SRGAP1: variants seen among roughly 807,000 people sequenced by gnomAD.
The protein encoded by SRGAP1 is SLIT-ROBO Rho GTPase activating protein 1.
SRGAP1 carries 43 observed loss-of-function variants against 121.9 expected under a neutral mutation model. That is an observed-to-expected ratio of 0.35 (90% CI 0.28 to 0.46). The LOEUF (loss-of-function observed/expected upper bound fraction) is 0.46, where lower values mean the gene tolerates loss of function less well. SRGAP1 is among the 20% of genes least tolerant of loss of function. SRGAP1 has a pLI of 1.00. For missense variants in SRGAP1, 1,102 were observed against 1,350.9 expected, an observed-to-expected ratio of 0.82 and a Z score of 2.89; for synonymous variants, 447 against 485.4, an observed-to-expected ratio of 0.92 and a Z score of 1.04.
intron 8 of SRGAP1, among the ~76,000 whole-genome samples, chr12:64,068,281 AAAAAAAAAAAAAAAAG>A (rs1834068366): frequency 7.3e-6 from 1 of 137,306 alleles, no homozygotes; most frequent in Non-Finnish European, 1.6e-5. Context: ...TCAAAAAAAA[AAAAAAAAAAAAAAAAG>A]TAGTAGGCAC....
chr12:64,121,297 C>T (rs1381670065), intron 18 of SRGAP1, among the ~76,000 whole-genome samples: 18 of 152,158 alleles, frequency 1.2e-4, no homozygotes, highest in Admixed American at 1.2e-3. Context: ...ATGAGCCACC[C>T]ACGCCCCGCC....
chr12:63,872,933 T>C (rs1370892579), intron 1 of SRGAP1, among the ~76,000 whole-genome samples: 4 of 152,182 alleles, frequency 2.6e-5, no homozygotes, highest in African/African-American at 9.7e-5. Flanking sequence ...GAGAGACATC[T>C]GGGCTAGACC....
At chr12:63,848,467 C>T (rs1414015315) in intron 1 of SRGAP1, among the ~76,000 whole-genome samples, 1 of 152,026 alleles carries the variant, frequency 6.6e-6, no homozygotes, top group Non-Finnish European at 1.5e-5. Flanking sequence ...TCATTTTGGG[C>T]AAGTCACTTA....
intron 1 of SRGAP1, among the ~76,000 whole-genome samples, chr12:63,936,651 G>A (rs923241265): frequency 2.0e-5 from 3 of 152,152 alleles, no homozygotes; most frequent in South Asian, 2.1e-4. Context: ...TTCAGCCAGC[G>A]TGTGTAGGTG....
At chr12:64,142,231 G>T (rs2036975927) in intron 21 of SRGAP1, 64 bp from the exon 22 acceptor site, 1 of 1,541,352 alleles carries the variant, frequency 6.5e-7, no homozygotes, top group Non-Finnish European at 8.8e-7. Flanking sequence ...AAGTGTCTGG[G>T]TTTCTATACA....
intron 4 of SRGAP1, 112 bp downstream of exon 4, chr12:64,017,124 T>C: frequency 1.6e-6 from 1 of 637,386 alleles, no homozygotes. Context: ...TGGATCCTCA[T>C]CTGCTTGAAA....
chr12:63,964,707 T>C (rs995896167), intron 1 of SRGAP1, among the ~76,000 whole-genome samples: 4 of 152,218 alleles, frequency 2.6e-5, no homozygotes, highest in Admixed American at 6.5e-5. Context: ...GTGTTCATTT[T>C]ACCTAAAACC....
rs1423786590 is a variant in SRGAP1 at position 64,115,841 on chromosome 12, A to G, written c.2172A>G (p.Thr724=). 4.3e-6 allele frequency: 7 copies of G among 1,613,652 alleles called. No individual in the cohort carries two copies. Among genetic ancestry groups the G allele is most frequent in the Non-Finnish European group, 5.9e-6 (7 of 1,179,830 alleles). Residue 724 remains threonine, a synonymous_variant, in exon 18 of 22, where the codon ACA becomes ACG. Transcript: ENST00000355086. ...ACAGCCCATACAGTGAGCACGGTAC[A>G]TTGGAGGAAGTGGACCAAGATGCTG... ...YCDSPYSEHG[T]LEEVDQDAGT...
Position 64,043,463 on chromosome 12 carries a change from C to T in SRGAP1, c.689C>T (p.Ser230Leu), listed in dbSNP as rs2136506908. The T allele has an allele frequency of 6.2e-7, 1 of 1,610,116 alleles. No homozygotes were observed. The highest frequency in any genetic ancestry group is 1.1e-5 in the South Asian group (1 of 89,812). ...TCATTCCAGAGACAAGCAAAATATT[C>T]AGAAAATAAGCTAAAATCAATTAAG... is the stretch of plus-strand genomic sequence containing the variant. The part of the protein sequence containing the change: ...KMKEKRQAKY[S>L]ENKLKSIKAR... The change falls in exon 6 of 22, where the codon TCA becomes TTA. Residue 230 changes from serine (S) to leucine (L), a missense_variant. Physicochemically the swap from Ser to Leu is moderately radical, Grantham distance 145 (BLOSUM62 -2). Coordinates refer to ENST00000355086, the MANE Select transcript of SRGAP1 (RefSeq NM_020762.4).
chr12:63,948,462 C>G (rs997359430), intron 1 of SRGAP1, among the ~76,000 whole-genome samples: 8 of 152,184 alleles, frequency 5.3e-5, no homozygotes, highest in African/African-American at 1.7e-4. Context: ...GTGTCAGGGA[C>G]ACAGTCATCT....
At chr12:63,964,103 C>A (rs1054874700) in intron 1 of SRGAP1, among the ~76,000 whole-genome samples, 1 of 152,104 alleles carries the variant, frequency 6.6e-6, no homozygotes. Context: ...CAGCACCCAG[C>A]TTCAGCTACC....
chr12:63,978,702 T>G (rs2033161430), intron 1 of SRGAP1, among the ~76,000 whole-genome samples: 1 of 152,218 alleles, frequency 6.6e-6, no homozygotes, highest in Non-Finnish European at 1.5e-5. Context: ...AGATTTTCAT[T>G]TCTCTGGAAT....
chr12:63,878,425 T>C (rs1396897682), intron 1 of SRGAP1, among the ~76,000 whole-genome samples: 3 of 152,230 alleles, frequency 2.0e-5, no homozygotes, highest in Non-Finnish European at 4.4e-5. Flanking sequence ...TAATTGAGAG[T>C]ATGTTCGCAT....
At chr12:63,929,937 GA>G (rs1302359142) in intron 1 of SRGAP1, among the ~76,000 whole-genome samples, 1 of 151,908 alleles carries the variant, frequency 6.6e-6, no homozygotes, top group Admixed American at 6.6e-5. Context: ...ACAAACAGAT[GA>G]AAAAAAGCTC....
intron 1 of SRGAP1, among the ~76,000 whole-genome samples, chr12:63,938,824 C>A (rs1345852299): frequency 6.6e-6 from 1 of 150,632 alleles, no homozygotes; most frequent in Non-Finnish European, 1.5e-5. Flanking sequence ...ATATACTTTT[C>A]AATTTAATCT....
intron 4 of SRGAP1, among the ~76,000 whole-genome samples, chr12:64,042,247 A>T (rs1036014340): frequency 5.9e-5 from 9 of 151,958 alleles, no homozygotes; most frequent in Admixed American, 5.9e-4. Flanking sequence ...TAAGAAAATA[A>T]ATGTTTTCTA....
At chr12:63,868,065 T>TG (rs1899711038) in intron 1 of SRGAP1, among the ~76,000 whole-genome samples, 1 of 101,322 alleles carries the variant, frequency 9.9e-6, no homozygotes, top group African/African-American at 4.4e-5. Flanking sequence ...TATTTTTTTT[T>TG]TTTTTTTTTT....
intron 2 of SRGAP1, among the ~76,000 whole-genome samples, chr12:63,986,365 CT>C (rs1367188231): frequency 6.6e-6 from 1 of 152,126 alleles, no homozygotes; most frequent in African/African-American, 2.4e-5. Context: ...CACATAGTAA[CT>C]TAACTGTTGC....
At chr12:64,137,565 C>T (rs2036875433) in intron 21 of SRGAP1, among the ~76,000 whole-genome samples, 1 of 151,956 alleles carries the variant, frequency 6.6e-6, no homozygotes, top group Admixed American at 6.6e-5. Context: ...AATGGAATGC[C>T]TAATGGAGAT....
Sources: allele counts gnomAD v4.1 joint callset (sites outside exome capture counted in the v4.1 genomes callset), GRCh38; gene constraint gnomAD v4.1.1; transcripts MANE v1.5; gene names NCBI Gene and HGNC (gene_info 2026-07-23, HGNC 2026-07-21).